GATAD2A: variants seen among roughly 807,000 people sequenced by gnomAD.
GATAD2A encodes GATA zinc finger domain containing 2A, also known as transcriptional repressor p66-alpha.
In GATAD2A, 12 loss-of-function variants were observed where a neutral mutation model predicts 68.5. That is an observed-to-expected ratio of 0.18 (90% CI 0.11 to 0.28). The LOEUF (loss-of-function observed/expected upper bound fraction) is 0.28. GATAD2A is among the 10% of genes least tolerant of loss of function. GATAD2A has a pLI of 1.00. For missense variants in GATAD2A, 755 were observed against 868.5 expected (o/e 0.87, Z 1.64); for synonymous variants, 410 against 375.3 (o/e 1.09, Z -1.07).
intron 2 of GATAD2A, among the ~76,000 whole-genome samples, chr19:19,481,379 G>A (rs1418297766): frequency 6.6e-6 from 1 of 152,172 alleles, no homozygotes; most frequent in African/African-American, 2.4e-5. Context: ...CTCCCAAACT[G>A]GAATGCAGTG....
At chr19:19,450,146 A>G (rs2056217064) in intron 1 of GATAD2A, among the ~76,000 whole-genome samples, 1 of 152,138 alleles carries the variant, frequency 6.6e-6, no homozygotes, top group African/African-American at 2.4e-5. Context: ...AGAACTAGAG[A>G]TGATGGGATG....
At chr19:19,482,878 G>A (rs2059152864) in intron 2 of GATAD2A, among the ~76,000 whole-genome samples, 1 of 151,880 alleles carries the variant, frequency 6.6e-6, no homozygotes, top group Admixed American at 6.6e-5. Context: ...GGCTGCAGTG[G>A]CCTCTGTGGG....
At chr19:19,497,147 G>A (rs1290249797) in intron 7 of GATAD2A, among the ~76,000 whole-genome samples, 2 of 152,164 alleles carry the variant, frequency 1.3e-5, no homozygotes, top group East Asian at 1.9e-4. Context: ...TGTTACCCAG[G>A]CTGGAGTGCA....
intron 8 of GATAD2A, among the ~76,000 whole-genome samples, chr19:19,499,641 G>A (rs751728580): frequency 6.6e-6 from 1 of 152,174 alleles, no homozygotes; most frequent in Non-Finnish European, 1.5e-5. Context: ...GGGTACTTTG[G>A]TGCATCAACT....
intron 1 of GATAD2A, among the ~76,000 whole-genome samples, chr19:19,459,662 CTG>C (rs776294619): frequency 3.3e-5 from 5 of 152,188 alleles, no homozygotes; most frequent in East Asian, 3.8e-4. Context: ...TTGATAAACA[CTG>C]TGGAAGAAGG....
Position 19,501,386 on chromosome 19 carries a change from C to A in GATAD2A, c.1473C>A (p.Pro491=). The change falls in exon 9 of 12, where the codon CCC becomes CCA. Residue 491 remains proline, a synonymous_variant. Transcript: ENST00000683918. The part of the protein sequence containing the change: ...GTAPAQAKAE[P]TAAPHPVLKQ... ...CCCCTGCACAGGCCAAGGCCGAGCC[C>A]ACCGCTGCCCCACACCCCGTGCTGA... 6.2e-7 allele frequency: 1 copy of A among 1,605,810 alleles called. No individual in the cohort carries two copies. Among genetic ancestry groups the A allele is most frequent in the Non-Finnish European group, 8.5e-7 (1 of 1,176,950 alleles).
At position 19,496,039 on chromosome 19, in the gene GATAD2A, C is replaced by T. The variant is rs73002973; in HGVS notation, c.757-13C>T. On this transcript the variant is annotated splice_polypyrimidine_tract_variant and intron_variant, in intron 6 of 11. Transcript: ENST00000683918. ...CAGTCAGATTTCTTGTTCTCCCCACCCTACCCCAACAGCAAATCCACAGCA... is the reference window on the plus strand; with the variant it reads ...CAGTCAGATTTCTTGTTCTCCCCACTCTACCCCAACAGCAAATCCACAGCA... 0.018 allele frequency: 29,083 copies of T among 1,611,894 alleles called. 392 individuals carry two copies. The highest frequency in any genetic ancestry group is 0.047 in the South Asian group (4,238 of 91,010).
intron 2 of GATAD2A, among the ~76,000 whole-genome samples, chr19:19,486,632 G>A (rs1439038461): frequency 6.6e-6 from 1 of 152,242 alleles, no homozygotes; most frequent in Non-Finnish European, 1.5e-5. Flanking sequence ...GACGCAGGCT[G>A]TCGGGGCAAA....
rs1424906223 is a variant in GATAD2A at position 19,492,726 on chromosome 19, T to C, written c.534+14T>C. ...ACCGCCCAGAAGGTGCGTGCCTGTC[T>C]CCCCTCCTTCCTGGGCCAGCAGGAG... On this transcript the variant is annotated intron_variant, in intron 4 of 11. Transcript: ENST00000683918. 6.2e-7 allele frequency: 1 copy of C among 1,613,656 alleles called. No homozygotes were observed. Among genetic ancestry groups the C allele is most frequent in the Admixed American group, 1.7e-5 (1 of 60,004 alleles).
At chr19:19,443,516 C>T (rs1169560515) in intron 1 of GATAD2A, among the ~76,000 whole-genome samples, 1 of 152,138 alleles carries the variant, frequency 6.6e-6, no homozygotes, top group Non-Finnish European at 1.5e-5. Context: ...CATGCTTGTT[C>T]TGTAGAGATA....
At chr19:19,453,680 ATTT>A (rs36010983) in intron 1 of GATAD2A, among the ~76,000 whole-genome samples, 3 of 143,104 alleles carry the variant, frequency 2.1e-5, no homozygotes, top group African/African-American at 7.6e-5. Context: ...TTTTTTTAAA[ATTT>A]TTTTTTTTTT....
At chr19:19,471,452 T>C (rs1420638787) in intron 2 of GATAD2A, among the ~76,000 whole-genome samples, 1 of 150,714 alleles carries the variant, frequency 6.6e-6, no homozygotes, top group African/African-American at 2.4e-5. Flanking sequence ...TTACAGGGCA[T>C]GTCCCCCCAA....
At chr19:19,407,941 A>G (rs752540992) in intron 1 of GATAD2A, among the ~76,000 whole-genome samples, 4 of 152,206 alleles carry the variant, frequency 2.6e-5, no homozygotes, top group Non-Finnish European at 5.9e-5. Flanking sequence ...GGTTTTTATG[A>G]AGATTGCTTC....
chr19:19,484,532 C>CTTTTTTTTTTTTTTTT (rs897099165), intron 2 of GATAD2A, among the ~76,000 whole-genome samples: 32 of 86,952 alleles, frequency 3.7e-4, no homozygotes, highest in East Asian at 9.9e-4. Context: ...TTTTTTTTTT[C>CTTTTTTTTTTTTTTTT]TTTTTTTTTT....
chr19:19,412,309 C>A (rs529058888), intron 1 of GATAD2A, among the ~76,000 whole-genome samples: 1 of 151,872 alleles, frequency 6.6e-6, no homozygotes, highest in Admixed American at 6.6e-5. Flanking sequence ...GTGCCCGCCA[C>A]CACACCCGGC....
chr19:19,463,477 C>T (rs892580046), intron 1 of GATAD2A, among the ~76,000 whole-genome samples: 2 of 152,006 alleles, frequency 1.3e-5, no homozygotes, highest in African/African-American at 4.8e-5. Context: ...GGCTCCATTC[C>T]ACGGAGGAGC....
chr19:19,484,532 C>CTTTTTTTTTTTTTTT (rs897099165), intron 2 of GATAD2A, among the ~76,000 whole-genome samples: 135 of 86,970 alleles, frequency 1.6e-3, no homozygotes, highest in Non-Finnish European at 2.1e-3. Flanking sequence ...TTTTTTTTTT[C>CTTTTTTTTTTTTTTT]TTTTTTTTTT....
intron 10 of GATAD2A, 140 bp downstream of exon 10, chr19:19,502,183 G>GT (rs752680725): frequency 5.1e-5 from 44 of 864,530 alleles, no homozygotes; most frequent in Non-Finnish European, 8.0e-5. Context: ...ACCCCTCTGT[G>GT]TAACTTACCT....
At chr19:19,442,883 G>A (rs2055271171) in intron 1 of GATAD2A, among the ~76,000 whole-genome samples, 1 of 151,984 alleles carries the variant, frequency 6.6e-6, no homozygotes, top group Non-Finnish European at 1.5e-5. Context: ...TTAAAAATGG[G>A]TAGAGGGAAA....
Sources: allele counts gnomAD v4.1 joint callset (sites outside exome capture counted in the v4.1 genomes callset), GRCh38; gene constraint gnomAD v4.1.1; transcripts MANE v1.5; gene names NCBI Gene and HGNC (gene_info 2026-07-23, HGNC 2026-07-21).